The following ANO4 variants were observed in gnomAD, a reference collection of about 807,000 sequenced individuals.
ANO4 encodes anoctamin-4.
ANO4 carries 69 observed loss-of-function variants against 141.9 expected under a neutral mutation model. The ratio of observed to expected loss-of-function variants is 0.49; its 90% CI spans 0.40 to 0.59. The LOEUF (loss-of-function observed/expected upper bound fraction) is 0.59. Ranked by LOEUF, ANO4 falls within the 20% of genes least tolerant of loss-of-function variation. The pLI is 0.00. For missense variants in ANO4, 894 were observed against 1,162.2 expected (o/e 0.77, Z 3.36); for synonymous variants, 350 against 394.3 (o/e 0.89, Z 1.33).
At chr12:101,127,335 C>T (rs1384651843) in intron 27 of ANO4, among the ~76,000 whole-genome samples, 1 of 152,170 alleles carries the variant, frequency 6.6e-6, no homozygotes, top group Non-Finnish European at 1.5e-5. Flanking sequence ...CATGAATTGG[C>T]CTAGGAGTTC....
At position 100,970,322 on chromosome 12, in the gene ANO4, C is replaced by T. The variant is rs115919847; in HGVS notation, c.457-984C>T. Among the ~76,000 whole-genome samples the T allele has an allele frequency of 6.5e-3, 994 of 152,286 alleles. 15 individuals carry two copies. Among genetic ancestry groups the T allele is most frequent in the African/African-American group, 0.023 (951 of 41,544 alleles). On this transcript the variant is annotated intron_variant, in intron 5 of 27. Transcript: ENST00000392977. The stretch of plus-strand genomic sequence containing the variant: ...CCTAGAATAAAGTGCGCTGCACGTC[C>T]TGTCTTCTGCTCACTTTCTCAGCCT...
rs374938271 is a variant in ANO4 at position 100,981,241 on chromosome 12, A to G, written c.603-6298A>G. ...AAGGTATTTAGGCTATGCTCCAAAT[A>G]GTACCCCTGTGACCTAAAAGAATAA... On this transcript the variant is annotated intron_variant, in intron 7 of 27. Coordinates refer to ENST00000392977, the MANE Select transcript of ANO4 (RefSeq NM_001286615.2). 6.0e-4 allele frequency among the ~76,000 whole-genome samples: 92 copies of G among 152,356 alleles called. 1 individual carries two copies. The South Asian group carries it at 0.018, about 30-fold the overall frequency.
At chr12:100,928,190 G>A (rs1021871198) in intron 3 of ANO4, among the ~76,000 whole-genome samples, 1 of 151,920 alleles carries the variant, frequency 6.6e-6, no homozygotes, top group Non-Finnish European at 1.5e-5. Context: ...GGGCCGGGGG[G>A]GCTGGCATAT....
intron 3 of ANO4, among the ~76,000 whole-genome samples, chr12:100,788,846 G>C (rs575561844): frequency 2.6e-5 from 4 of 151,636 alleles, no homozygotes; most frequent in African/African-American, 4.8e-5. Flanking sequence ...AGTGGTTACA[G>C]ATAGAGATAA....
In ANO4 at chr12:101,080,883, T is replaced by TATTATATA. The variant is rs1491584060; in HGVS notation, c.1395+1608_1395+1609insATTATATA. On this transcript the variant is annotated intron_variant, in intron 15 of 27. Transcript: ENST00000392977. The stretch of plus-strand genomic sequence containing the variant: ...GGTTCTAGATATATATATATATATA[T>TATTATATA]TATATATATATATATATACATACAC... Among the ~76,000 whole-genome samples, 564 of 74,066 alleles carry TATTATATA rather than the reference T, an allele frequency of 7.6e-3. 5 individuals are homozygous for TATTATATA. The highest frequency in any genetic ancestry group is 0.019 in the African/African-American group (489 of 25,616). The allele number at this position is 74,066 out of a possible 152,430, so 48.6% of individuals were successfully genotyped here. A position where few individuals can be genotyped will look rare whatever the true frequency, so the allele number is the denominator to read the frequency against.
At chr12:100,937,123 C>G (rs887160972) in intron 3 of ANO4, among the ~76,000 whole-genome samples, 2 of 152,096 alleles carry the variant, frequency 1.3e-5, no homozygotes, top group African/African-American at 4.8e-5. Context: ...GTCCCAGAAC[C>G]ATAGAATGTT....
At chr12:100,884,806 C>T (rs1015084940) in intron 1 of ANO4, among the ~76,000 whole-genome samples, 6 of 152,146 alleles carry the variant, frequency 3.9e-5, no homozygotes, top group South Asian at 2.1e-4. Flanking sequence ...GCGATTCTCC[C>T]GCCTCAGCCC....
chr12:101,086,925 C>G, intron 17 of ANO4, 101 bp downstream of exon 17: 2 of 1,361,562 alleles, frequency 1.5e-6, no homozygotes, highest in South Asian at 2.7e-5. Context: ...GAGAGGTGGG[C>G]CATTCACATA....
intron 1 of ANO4, among the ~76,000 whole-genome samples, chr12:100,718,841 CT>C (rs2030729842): frequency 1.3e-5 from 2 of 152,310 alleles, no homozygotes; most frequent in Admixed American, 1.3e-4. Context: ...ATTCAATATG[CT>C]GATGGCATTT....
At chr12:100,988,841 A>T (rs567660) in intron 8 of ANO4, among the ~76,000 whole-genome samples, 19,059 of 136,368 alleles carry the variant, frequency 0.14, 1,647 homozygotes, top group East Asian at 0.26. Context: ...ATTGCACTCC[A>T]GCCTGGGTGA....
At chr12:100,819,031 GTGTGTATATATATA>G (rs1334443255) in intron 1 of ANO4, among the ~76,000 whole-genome samples, 5 of 118,328 alleles carry the variant, frequency 4.2e-5, no homozygotes, top group Admixed American at 1.7e-4. Flanking sequence ...ATATATGTAT[GTGTGTATATATATA>G]TGTGTATATA....
chr12:100,735,046 C>T (rs2031545696), intron 2 of ANO4, among the ~76,000 whole-genome samples: 1 of 152,206 alleles, frequency 6.6e-6, no homozygotes, highest in South Asian at 2.1e-4. Flanking sequence ...TACAGTTTTA[C>T]TGCTAGGTAC....
intron 2 of ANO4, among the ~76,000 whole-genome samples, chr12:100,907,937 C>T (rs1361392797): frequency 1.3e-5 from 2 of 152,176 alleles, no homozygotes; most frequent in Non-Finnish European, 2.9e-5. Flanking sequence ...TAATTGATAT[C>T]CTGTGTTGAT....
chr12:100,783,952 C>T (rs964427058), intron 3 of ANO4, among the ~76,000 whole-genome samples: 4 of 150,812 alleles, frequency 2.7e-5, no homozygotes, highest in Non-Finnish European at 5.9e-5. Context: ...GGGACCTAAC[C>T]TAATTTGTGG....
intron 1 of ANO4, among the ~76,000 whole-genome samples, chr12:100,836,819 T>G (rs1158937068): frequency 6.6e-6 from 1 of 152,122 alleles, no homozygotes; most frequent in East Asian, 1.9e-4. Context: ...GGGATTTGCA[T>G]TTGCCCCATA....
chr12:101,102,419 A>G (rs2050227103), intron 22 of ANO4, among the ~76,000 whole-genome samples: 1 of 152,190 alleles, frequency 6.6e-6, no homozygotes, highest in African/African-American at 2.4e-5. Flanking sequence ...GTTGGTATGC[A>G]GCAGTATCTC....
intron 15 of ANO4, among the ~76,000 whole-genome samples, chr12:101,082,623 C>T (rs1346331336): frequency 1.3e-5 from 2 of 152,246 alleles, no homozygotes; most frequent in Non-Finnish European, 2.9e-5. Flanking sequence ...TGATCTTACC[C>T]ATGACCTACC....
chr12:101,118,888 C>T (rs1367046358), intron 25 of ANO4, among the ~76,000 whole-genome samples: 2 of 129,408 alleles, frequency 1.5e-5, no homozygotes, highest in Non-Finnish European at 3.2e-5. Flanking sequence ...CCACGACAGG[C>T]CCCGGTGTGT....
chr12:100,822,265 A>G (rs567880456), intron 1 of ANO4, among the ~76,000 whole-genome samples: 54 of 152,140 alleles, frequency 3.5e-4, no homozygotes, highest in African/African-American at 1.3e-3. Flanking sequence ...AGGCTGGATC[A>G]TGTGGAGAAC....
Sources: gnomAD v4.1 joint callset for allele counts (sites outside exome capture counted in the v4.1 genomes callset) on GRCh38, gnomAD v4.1.1 for gene constraint, MANE v1.5 for transcripts, NCBI Gene and HGNC (gene_info 2026-07-23, HGNC 2026-07-21) for gene names.